Variants in FBXL20 observed in about 807,000 individuals in gnomAD.
The protein encoded by FBXL20 is F-box and leucine rich repeat protein 20, also known as F-box/LRR-repeat protein 20.
A neutral mutation model predicts 64.0 loss-of-function variants in FBXL20; 11 were observed. The observed-to-expected ratio is 0.17, with a 90% CI of 0.11 to 0.28. The LOEUF is 0.28. FBXL20 is among the 10% of genes least tolerant of loss of function. The probability of loss-of-function intolerance (pLI) is 1.00; values close to 1 mark genes in which losing one functional copy is unlikely to be tolerated. For missense variants in FBXL20, 303 were observed against 526.2 expected (o/e 0.58, Z 4.15); for synonymous variants, 184 against 189.0 (o/e 0.97, Z 0.22).
chr17:39,364,267 T>C (rs1266729144), intron 1 of FBXL20, among the ~76,000 whole-genome samples: 1 of 152,142 alleles, frequency 6.6e-6, no homozygotes, highest in Non-Finnish European at 1.5e-5. Flanking sequence ...AGATGGGGTT[T>C]ATTTTCCCAC....
At chr17:39,299,597 C>T (rs984159449) in intron 4 of FBXL20, among the ~76,000 whole-genome samples, 8 of 150,766 alleles carry the variant, frequency 5.3e-5, no homozygotes, top group African/African-American at 1.7e-4. Context: ...CTGGCTAACA[C>T]GGTGAAACCC....
intron 1 of FBXL20, among the ~76,000 whole-genome samples, chr17:39,384,965 A>G (rs1288768717): frequency 6.6e-6 from 1 of 152,116 alleles, no homozygotes; most frequent in South Asian, 2.1e-4. Flanking sequence ...AAAGATAAAT[A>G]AATAAAATAA....
intron 2 of FBXL20, among the ~76,000 whole-genome samples, chr17:39,326,800 A>G (rs2047413547): frequency 6.7e-6 from 1 of 148,802 alleles, no homozygotes; most frequent in African/African-American, 2.5e-5. Flanking sequence ...ATATACACAC[A>G]CGCTTTTGTA....
chr17:39,357,168 G>C (rs2144605314), intron 1 of FBXL20, among the ~76,000 whole-genome samples: 1 of 151,372 alleles, frequency 6.6e-6, no homozygotes, highest in South Asian at 2.1e-4. Flanking sequence ...AGCTACTTGG[G>C]AGGCTGAGGC....
intron 10 of FBXL20, among the ~76,000 whole-genome samples, chr17:39,272,935 A>G (rs910567278): frequency 1.3e-5 from 2 of 151,932 alleles, no homozygotes; most frequent in Admixed American, 1.3e-4. Flanking sequence ...AAGTTTGATT[A>G]CCTCCCCAGC....
chr17:39,359,425 C>G (rs1406663446), intron 1 of FBXL20, among the ~76,000 whole-genome samples: 1 of 152,134 alleles, frequency 6.6e-6, no homozygotes, highest in African/African-American at 2.4e-5. Context: ...GAGTTCAAGA[C>G]CAGCCTGGCC....
intron 1 of FBXL20, among the ~76,000 whole-genome samples, chr17:39,378,429 AC>A (rs1346829144): frequency 6.6e-6 from 1 of 152,126 alleles, no homozygotes; most frequent in Non-Finnish European, 1.5e-5. Flanking sequence ...ACAGAGCAAA[AC>A]CCCATCTCTT....
intron 1 of FBXL20, among the ~76,000 whole-genome samples, chr17:39,397,486 A>G (rs1043744647): frequency 9.2e-5 from 14 of 152,190 alleles, no homozygotes; most frequent in Admixed American, 9.2e-4. Flanking sequence ...TAATAAACCC[A>G]TTAAGACAGA....
chr17:39,308,044 G>A (rs2047198616), intron 2 of FBXL20, among the ~76,000 whole-genome samples: 1 of 151,770 alleles, frequency 6.6e-6, no homozygotes, highest in Admixed American at 6.6e-5. Flanking sequence ...TAAGTCTAGG[G>A]GAAGCCAGGC....
intron 1 of FBXL20, 109 bp from the exon 2 acceptor site, chr17:39,343,350 T>C (rs1234370191): frequency 2.8e-6 from 2 of 720,976 alleles, no homozygotes; most frequent in Non-Finnish European, 4.3e-6. Context: ...AAAAATATAG[T>C]CGGCATCATA....
At chr17:39,308,140 ATCT>A (rs1329659522) in intron 2 of FBXL20, among the ~76,000 whole-genome samples, 1 of 150,136 alleles carries the variant, frequency 6.7e-6, no homozygotes, top group Admixed American at 6.6e-5. Context: ...CAAAAGTTTG[ATCT>A]TTTTTTTTTT....
At chr17:39,263,577 C>T (rs181233300) in intron 14 of FBXL20, among the ~76,000 whole-genome samples, 1 of 152,158 alleles carries the variant, frequency 6.6e-6, no homozygotes, top group East Asian at 1.9e-4. Context: ...GCCTGTAGTC[C>T]TAGCTACTGG....
intron 1 of FBXL20, among the ~76,000 whole-genome samples, chr17:39,392,216 G>C (rs1447448689): frequency 6.6e-6 from 1 of 152,048 alleles, no homozygotes; most frequent in Non-Finnish European, 1.5e-5. Context: ...AAGGCAGGTG[G>C]ATCACCTGAG....
chr17:39,289,881 C>A (rs1352482309), intron 6 of FBXL20, among the ~76,000 whole-genome samples: 2 of 151,516 alleles, frequency 1.3e-5, no homozygotes, highest in South Asian at 4.2e-4. Context: ...TGCCTGTAAT[C>A]CCAGCTACTC....
At chr17:39,356,214 CAAAAAAAAAAA>C (rs56838813) in intron 1 of FBXL20, among the ~76,000 whole-genome samples, 2 of 75,868 alleles carry the variant, frequency 2.6e-5, no homozygotes, top group African/African-American at 8.9e-5. Flanking sequence ...GACTCCATCT[CAAAAAAAAAAA>C]AAAAAAAAAA....
At chr17:39,316,202 A>G (rs2047289974) in intron 2 of FBXL20, among the ~76,000 whole-genome samples, 2 of 152,356 alleles carry the variant, frequency 1.3e-5, no homozygotes, top group South Asian at 4.1e-4. Flanking sequence ...AATTGGAAAT[A>G]TCAGTGTATT....
rs61642275 is a variant in FBXL20, at chr17:39,278,548, C to CTT, written c.696+2839_696+2840dup. Reference sequence around the variant, plus strand: ...ATCTCTCAGGAGTAAACATTCCAGTCTTTTTTTTTTTTTTTTTGAGATGGA... The same window carrying CTT: ...ATCTCTCAGGAGTAAACATTCCAGTCTTTTTTTTTTTTTTTTTTTGAGATGGA... On this transcript the variant is annotated intron_variant, in intron 9 of 14. Transcript: ENST00000264658. Among the ~76,000 whole-genome samples, 629 of 128,138 alleles carry CTT rather than the reference C, an allele frequency of 4.9e-3. 18 individuals carry two copies. Among genetic ancestry groups the CTT allele is most frequent in the Middle Eastern group, 0.017 (4 of 230 alleles). The allele number at this position is 128,138 out of a possible 152,430, so 84.1% of individuals were successfully genotyped here.
intron 11 of FBXL20, 139 bp from the exon 12 acceptor site, chr17:39,269,010 T>A (rs976251356): frequency 1.2e-5 from 8 of 692,476 alleles, no homozygotes; most frequent in African/African-American, 1.8e-5. Flanking sequence ...GTCATGCTAA[T>A]TTTTTTTTCT....
intron 13 of FBXL20, among the ~76,000 whole-genome samples, chr17:39,264,846 T>C (rs1017482370): frequency 1.3e-5 from 2 of 152,202 alleles, no homozygotes; most frequent in Non-Finnish European, 2.9e-5. Flanking sequence ...CATCTCTTCA[T>C]CAATATTTAT....
Sources: allele counts gnomAD v4.1 joint callset (sites outside exome capture counted in the v4.1 genomes callset), GRCh38; gene constraint gnomAD v4.1.1; transcripts MANE v1.5; gene names NCBI Gene and HGNC (gene_info 2026-07-23, HGNC 2026-07-21).